The following TDP1 variants were observed in gnomAD, a reference collection of about 807,000 sequenced individuals.
TDP1 encodes the protein tyr-DNA phosphodiesterase 1.
In TDP1, 64 loss-of-function variants were observed where a neutral mutation model predicts 81.5. That is an observed-to-expected ratio of 0.79 (90% confidence interval 0.64 to 0.97). TDP1 has a LOEUF of 0.97. Ranked by LOEUF, TDP1 falls within the 50% of genes least tolerant of loss-of-function variation. TDP1 has a pLI of 0.00. For missense variants in TDP1, 723 were observed against 743.8 expected, an observed-to-expected ratio of 0.97 and a Z score of 0.33; for synonymous variants, 256 against 264.3, an observed-to-expected ratio of 0.97 and a Z score of 0.30.
At chr14:89,970,931 C>T (rs1180893101) in intron 5 of TDP1, 1 of 217,006 alleles carries the variant, frequency 4.6e-6, no homozygotes, top group East Asian at 1.8e-4. Context: ...CTTCACCTCC[C>T]AGGTTCAAGC....
intron 15 of TDP1, among the ~76,000 whole-genome samples, chr14:90,027,647 T>C (rs1886820822): frequency 6.6e-6 from 1 of 152,154 alleles, no homozygotes; most frequent in Non-Finnish European, 1.5e-5. Flanking sequence ...ACCTCAGATC[T>C]CTAGGAGCCA....
rs766032249 is a variant in TDP1, at chr14:89,975,797, C to T, written c.773C>T (p.Ala258Val). ...TCATCCTAGGCAAAGTTGGATATTGCGTTTGGAACACACCACACGTAAGCA... is the reference window on the plus strand; with the variant it reads ...TCATCCTAGGCAAAGTTGGATATTGTGTTTGGAACACACCACACGTAAGCA... ...ISLCQAKLDI[A>V]FGTHHTKMML... is the part of the protein sequence containing the mutation. The change falls in exon 7 of 17, where the codon GCG becomes GTG. Residue 258 changes from alanine (A) to valine (V), a missense_variant. Ala to Val is a moderately conservative substitution (Grantham distance 64, BLOSUM62 0). Coordinates refer to ENST00000335725, the MANE Select transcript of TDP1 (RefSeq NM_018319.4). 20 of 1,612,460 alleles carry T rather than the reference C, an allele frequency of 1.2e-5. No homozygotes were observed. The East Asian group carries it at 1.8e-4, about 14-fold the overall frequency.
intron 14 of TDP1, among the ~76,000 whole-genome samples, chr14:90,014,037 C>T (rs776729741): frequency 6.6e-6 from 1 of 152,152 alleles, no homozygotes; most frequent in Non-Finnish European, 1.5e-5. Context: ...TAATACAATA[C>T]TTAATATCAT....
At chr14:89,999,374 T>C (rs1896996865) in intron 14 of TDP1, among the ~76,000 whole-genome samples, 2 of 152,190 alleles carry the variant, frequency 1.3e-5, no homozygotes, top group African/African-American at 4.8e-5. Context: ...TGGATTCTAG[T>C]CCAAATGAAG....
At chr14:89,979,219 G>A (rs75911102) in intron 7 of TDP1, among the ~76,000 whole-genome samples, 4,689 of 152,188 alleles carry the variant, frequency 0.031, 110 homozygotes, top group African/African-American at 0.067. Context: ...AAACAACAGG[G>A]AGATAAAAAT....
Position 89,972,840 on chromosome 14 carries a change from C to T in TDP1, c.756+1569C>T, listed in dbSNP as rs1218765983. On this transcript the variant is annotated intron_variant, in intron 6 of 16. Coordinates refer to ENST00000335725, the MANE Select transcript of TDP1 (RefSeq NM_018319.4). The stretch of plus-strand genomic sequence containing the variant: ...TTTTATAGCCCTTTTCTTTCCTTAT[C>T]GTTAGCTTAGTGAAATTGGCAAAAG... Among the ~76,000 whole-genome samples, 8 of 152,092 alleles carry T rather than the reference C, an allele frequency of 5.3e-5. No homozygotes were observed. In the South Asian group the frequency reaches 6.2e-4, roughly 12 times the overall value.
chr14:90,021,925 C>T (rs909685307), intron 15 of TDP1, among the ~76,000 whole-genome samples: 3 of 152,218 alleles, frequency 2.0e-5, no homozygotes, highest in African/African-American at 4.8e-5. Flanking sequence ...AGCAGGCTTC[C>T]GTCATGACCC....
Position 89,958,224 on chromosome 14 carries a change from A to G in TDP1, c.-8+1424A>G, listed in dbSNP as rs143883154. 368 of 152,586 alleles carry G rather than the reference A, an allele frequency of 2.4e-3. 2 individuals are homozygous for G. Among genetic ancestry groups the G allele is most frequent in the Admixed American group, 4.8e-3 (73 of 15,306 alleles). 9.5% of individuals were successfully genotyped at this position (152,586 alleles called of 1,614,324 possible). A position where few individuals can be genotyped will look rare whatever the true frequency, so the allele number is the denominator to read the frequency against. ...TTTTAGTCCCACCATCTGCAGCCCA[A>G]TGAATGGGGGTGTGTGGCAGCCAGC... On this transcript the variant is annotated intron_variant, in intron 2 of 16. Coordinates refer to ENST00000335725, the MANE Select transcript of TDP1 (RefSeq NM_018319.4).
At chr14:89,975,129 G>A (rs1248609888) in intron 6 of TDP1, among the ~76,000 whole-genome samples, 1 of 152,216 alleles carries the variant, frequency 6.6e-6, no homozygotes, top group Non-Finnish European at 1.5e-5. Context: ...AGGCTGGAGT[G>A]CAGTGGCGCT....
At chr14:89,957,924 G>A (rs1891849313) in intron 2 of TDP1, among the ~76,000 whole-genome samples, 1 of 152,196 alleles carries the variant, frequency 6.6e-6, no homozygotes, top group African/African-American at 2.4e-5. Context: ...CAGCCTGGCA[G>A]AATGCATTTG....
intron 5 of TDP1, among the ~76,000 whole-genome samples, chr14:89,968,835 T>C (rs937818115): frequency 2.0e-5 from 3 of 152,198 alleles, no homozygotes; most frequent in Non-Finnish European, 2.9e-5. Context: ...ATGAGTTAAA[T>C]TATCTCACCC....
chr14:89,983,336 CTACCT>C (rs1895201900), intron 8 of TDP1: 4 of 311,924 alleles, frequency 1.3e-5, no homozygotes, highest in Non-Finnish European at 1.9e-5. Flanking sequence ...TCACACCATG[CTACCT>C]CCTGTGCTAA....
chr14:89,966,051 T>A, intron 3 of TDP1, 96 bp from the exon 4 acceptor site: 1 of 1,005,698 alleles, frequency 9.9e-7, no homozygotes, highest in South Asian at 1.3e-5. Context: ...CTGAGTCAGA[T>A]CTTGATTGTC....
chr14:89,979,126 G>A (rs1894684169), intron 7 of TDP1, among the ~76,000 whole-genome samples: 1 of 152,098 alleles, frequency 6.6e-6, no homozygotes, highest in South Asian at 2.1e-4. Flanking sequence ...AATAAGTCAA[G>A]ACAGAGTTAC....
chr14:90,023,923 C>T (rs529208124), intron 15 of TDP1, among the ~76,000 whole-genome samples: 66 of 152,258 alleles, frequency 4.3e-4, no homozygotes, highest in Middle Eastern at 3.4e-3. Context: ...TCCTTCTCAG[C>T]CTCCCAAAAG....
chr14:90,016,680 T>C (rs1885352374), intron 14 of TDP1, among the ~76,000 whole-genome samples: 1 of 152,212 alleles, frequency 6.6e-6, no homozygotes. Flanking sequence ...ATAAAGACTT[T>C]AACCAGCTCC....
At chr14:89,998,197 A>G (rs910935917) in intron 14 of TDP1, among the ~76,000 whole-genome samples, 1 of 151,876 alleles carries the variant, frequency 6.6e-6, no homozygotes, top group Non-Finnish European at 1.5e-5. Context: ...GATCACAGGT[A>G]GCCCCATGTC....
At chr14:90,019,543 G>A in intron 15 of TDP1, 125 bp downstream of exon 15, 3 of 705,314 alleles carry the variant, frequency 4.3e-6, no homozygotes, top group Non-Finnish European at 7.8e-6. Flanking sequence ...CTTACCCAGA[G>A]CCTGCACTCT....
At chr14:89,971,310 G>A in intron 6 of TDP1, 39 bp downstream of exon 6, 2 of 1,472,312 alleles carry the variant, frequency 1.4e-6, no homozygotes, top group Non-Finnish European at 1.9e-6. Flanking sequence ...CGCGTAGTCT[G>A]AGTTAGAAGG....
Sources: gnomAD v4.1 joint callset for allele counts (sites outside exome capture counted in the v4.1 genomes callset) on GRCh38, gnomAD v4.1.1 for gene constraint, MANE v1.5 for transcripts, NCBI Gene and HGNC (gene_info 2026-07-23, HGNC 2026-07-21) for gene names.